CDH11: variants seen among roughly 807,000 people sequenced by gnomAD.
The protein encoded by CDH11 is cadherin-11.
In CDH11, 11 loss-of-function variants were observed where a neutral mutation model predicts 67.8. That is an observed-to-expected ratio of 0.16 (90% CI 0.10 to 0.27). The LOEUF (loss-of-function observed/expected upper bound fraction) is 0.27, where lower values mean the gene tolerates loss of function less well. Among genes scored for constraint, CDH11 ranks in the 10% least tolerant of loss-of-function variants. The probability of loss-of-function intolerance (pLI) is 1.00; values close to 1 mark genes in which losing one functional copy is unlikely to be tolerated. For synonymous variants in CDH11, 419 were observed against 400.0 expected (o/e 1.05, Z -0.57); for missense variants, 847 against 1,031.2 (o/e 0.82, Z 2.45).
At chr16:65,077,974 G>GT (rs2074543805) in intron 1 of CDH11, among the ~76,000 whole-genome samples, 1 of 152,220 alleles carries the variant, frequency 6.6e-6, no homozygotes, top group Non-Finnish European at 1.5e-5. Context: ...ACAGAGACGG[G>GT]TAAGTTTTCT....
At chr16:64,995,373 T>A (rs1056968288) in intron 4 of CDH11, among the ~76,000 whole-genome samples, 1 of 152,168 alleles carries the variant, frequency 6.6e-6, no homozygotes, top group African/African-American at 2.4e-5. Context: ...CAAAATAGCA[T>A]GTTGCTGGTG....
Position 65,052,765 on chromosome 16 carries a change from C to T in CDH11, c.-173+1039G>A, listed in dbSNP as rs115462532. On this transcript the variant is annotated intron_variant, in intron 2 of 12. Transcript: ENST00000268603. ...AGAAATAACCCTGGAAGCAAAAATA[C>T]GTAATAGGTGACAATTTCAGTAATA... 7.8e-3 allele frequency among the ~76,000 whole-genome samples: 1,182 copies of T among 152,166 alleles called. 20 individuals carry two copies. The highest frequency in any genetic ancestry group is 0.026 in the African/African-American group (1,100 of 41,516).
At chr16:65,016,051 C>T (rs1199819906) in intron 2 of CDH11, among the ~76,000 whole-genome samples, 1 of 152,190 alleles carries the variant, frequency 6.6e-6, no homozygotes, top group East Asian at 1.9e-4. Flanking sequence ...CTTTCACCAG[C>T]ATGTGGGTGG....
chr16:65,047,826 G>A (rs549204286), intron 2 of CDH11, among the ~76,000 whole-genome samples: 6 of 152,100 alleles, frequency 3.9e-5, no homozygotes, highest in South Asian at 2.1e-4. Context: ...AATCCTTCCC[G>A]GTTTCTCCTG....
intron 2 of CDH11, among the ~76,000 whole-genome samples, chr16:65,047,496 C>T (rs1185208849): frequency 1.3e-5 from 2 of 151,848 alleles, no homozygotes; most frequent in African/African-American, 4.8e-5. Flanking sequence ...GGACTACAGG[C>T]ACGCACCACC....
intron 1 of CDH11, among the ~76,000 whole-genome samples, chr16:65,060,912 A>C (rs1290237429): frequency 6.6e-6 from 1 of 152,174 alleles, no homozygotes; most frequent in Non-Finnish European, 1.5e-5. Flanking sequence ...GTCTGTCCCC[A>C]GCCTCACCTG....
At chr16:65,033,225 G>A (rs932871961) in intron 2 of CDH11, among the ~76,000 whole-genome samples, 3 of 111,390 alleles carry the variant, frequency 2.7e-5, no homozygotes, top group Admixed American at 9.5e-5. Flanking sequence ...CACCCCACAA[G>A]TAAACTAGGA....
chr16:64,958,690 C>T (rs1321676428), intron 11 of CDH11, among the ~76,000 whole-genome samples: 1 of 152,096 alleles, frequency 6.6e-6, no homozygotes, highest in Non-Finnish European at 1.5e-5. Context: ...GACATTATTG[C>T]ATTCTAATTA....
intron 1 of CDH11, among the ~76,000 whole-genome samples, chr16:65,086,087 G>A (rs1372841195): frequency 2.1e-5 from 3 of 139,770 alleles, no homozygotes; most frequent in Non-Finnish European, 4.9e-5. Flanking sequence ...ACCATTCCCT[G>A]TTTCAAAGGC....
chr16:65,102,007 T>G (rs1377639286), intron 1 of CDH11, among the ~76,000 whole-genome samples: 1 of 152,216 alleles, frequency 6.6e-6, no homozygotes, highest in Non-Finnish European at 1.5e-5. Context: ...TATGATGACA[T>G]ATTGCATTCA....
intron 11 of CDH11, among the ~76,000 whole-genome samples, chr16:64,954,342 G>A (rs2071445128): frequency 6.6e-6 from 1 of 152,154 alleles, no homozygotes. Context: ...ATGGACTAAG[G>A]CTTTCTTCCT....
chr16:64,996,462 C>T (rs1215761651), intron 4 of CDH11, among the ~76,000 whole-genome samples: 1 of 149,032 alleles, frequency 6.7e-6, no homozygotes. Flanking sequence ...TGCACTGCAG[C>T]CTGGGCAACA....
intron 1 of CDH11, among the ~76,000 whole-genome samples, chr16:65,091,709 G>A (rs986445972): frequency 4.0e-5 from 6 of 151,746 alleles, no homozygotes; most frequent in Non-Finnish European, 8.8e-5. Context: ...CCACCACCAC[G>A]CCCGGCTAAT....
chr16:64,998,509 A>G, intron 4 of CDH11, 53 bp downstream of exon 4: 7 of 1,561,396 alleles, frequency 4.5e-6, no homozygotes, highest in Non-Finnish European at 5.3e-6. Flanking sequence ...CAGCCCACCC[A>G]CCACAGAGAC....
chr16:65,060,215 T>G (rs2074213655), intron 1 of CDH11, among the ~76,000 whole-genome samples: 1 of 152,114 alleles, frequency 6.6e-6, no homozygotes, highest in Non-Finnish European at 1.5e-5. Context: ...AATTCCAATC[T>G]AGATTTCCCT....
intron 11 of CDH11, 64 bp from the exon 12 acceptor site, chr16:64,951,082 T>C (rs572136896): frequency 2.0e-6 from 3 of 1,533,612 alleles, no homozygotes; most frequent in African/African-American, 2.7e-5. Context: ...AGCGGCTCTC[T>C]GCTCGGCAGA....
intron 2 of CDH11, among the ~76,000 whole-genome samples, chr16:65,050,437 C>G (rs568041745): frequency 6.6e-6 from 1 of 152,338 alleles, no homozygotes; most frequent in Non-Finnish European, 1.5e-5. Flanking sequence ...GCCCTTTCAT[C>G]TCTGCCTGCC....
At chr16:65,057,319 C>A (rs1354023112) in intron 1 of CDH11, among the ~76,000 whole-genome samples, 2 of 152,214 alleles carry the variant, frequency 1.3e-5, no homozygotes, top group African/African-American at 2.4e-5. Flanking sequence ...TCTCTGCCAT[C>A]TTCCCAGCTC....
rs905058206 is a variant in CDH11, at chr16:65,067,057, G to A, written c.-297-13129C>T. Reference sequence around the variant, plus strand: ...GGTGTGGTGGGGAGAGCTGGAGGGAGGCTTCTGCAGATTCCTACAACTTTC... The same window carrying A: ...GGTGTGGTGGGGAGAGCTGGAGGGAAGCTTCTGCAGATTCCTACAACTTTC... On this transcript the variant is annotated intron_variant, in intron 1 of 12. Coordinates refer to ENST00000268603, the MANE Select transcript of CDH11 (RefSeq NM_001797.4). Among the ~76,000 whole-genome samples the A allele has an allele frequency of 2.0e-5, 3 of 152,134 alleles. No individual in the cohort carries two copies. In the East Asian group the frequency reaches 5.8e-4, roughly 29 times the overall value.
Sources: allele counts gnomAD v4.1 joint callset (sites outside exome capture counted in the v4.1 genomes callset), GRCh38; gene constraint gnomAD v4.1.1; transcripts MANE v1.5; gene names NCBI Gene and HGNC (gene_info 2026-07-23, HGNC 2026-07-21).